PRSS23: variants seen among roughly 807,000 people sequenced by gnomAD.
PRSS23 encodes serine protease 23, also known as protease, serine 23.
A neutral mutation model predicts 34.7 loss-of-function variants in PRSS23; 25 were observed. That is an observed-to-expected ratio of 0.72 (90% CI 0.53 to 1.01). The LOEUF (loss-of-function observed/expected upper bound fraction) is 1.01. Ranked by LOEUF, PRSS23 falls within the 50% of genes least tolerant of loss-of-function variation. The pLI is 0.00. For synonymous variants in PRSS23, 176 were observed against 186.6 expected (o/e 0.94, Z 0.46); for missense variants, 445 against 475.6 (o/e 0.94, Z 0.60).
At chr11:86,925,295 A>AGT (rs5793226) in intron 2 of PRSS23, among the ~76,000 whole-genome samples, 6,905 of 148,990 alleles carry the variant, frequency 0.046, 189 homozygotes, top group South Asian at 0.14. Context: ...GTTTAACTGG[A>AGT]GTGTGTGTGT....
Position 86,810,234 on chromosome 11 carries a change from T to G in PRSS23, c.*1439T>G, listed in dbSNP as rs75406253. On this transcript the variant is annotated 3_prime_UTR_variant, in exon 2 of 2. Coordinates refer to ENST00000280258, the MANE Select transcript of PRSS23 (RefSeq NM_007173.6). ...CTTTCTAAATGTATCGGAGAAAAAA[T>G]CAAATGGACTACAAGCACGTGTTTG... is the stretch of plus-strand genomic sequence containing the variant. The G allele has an allele frequency of 0.012, 2,053 of 166,928 alleles. 55 individuals carry two copies. The highest frequency in any genetic ancestry group is 0.047 in the African/African-American group (1,940 of 41,564). 10.3% of individuals were successfully genotyped at this position (166,928 alleles called of 1,614,324 possible).
At chr11:86,901,491 G>C (rs2134984213) in intron 2 of PRSS23, among the ~76,000 whole-genome samples, 1 of 152,222 alleles carries the variant, frequency 6.6e-6, no homozygotes. Flanking sequence ...TTGAATTACA[G>C]TCAAAATGGT....
intron 1 of PRSS23, 53 bp from the exon 2 acceptor site, chr11:86,807,578 T>C: frequency 2.1e-6 from 3 of 1,455,494 alleles, no homozygotes; most frequent in Non-Finnish European, 2.8e-6. Context: ...CTGTCTGCAG[T>C]AAATGAACGT....
chr11:86,906,166 G>C (rs1014375566), intron 2 of PRSS23, among the ~76,000 whole-genome samples: 1 of 152,182 alleles, frequency 6.6e-6, no homozygotes, highest in Admixed American at 6.5e-5. Flanking sequence ...GGGGGGCGGG[G>C]GCAAGAGGAA....
intron 2 of PRSS23, among the ~76,000 whole-genome samples, chr11:86,831,814 G>A (rs1013971702): frequency 6.6e-6 from 1 of 151,882 alleles, no homozygotes; most frequent in East Asian, 1.9e-4. Flanking sequence ...GTCGCAGCGG[G>A]TATACACCCT....
intron 2 of PRSS23, among the ~76,000 whole-genome samples, chr11:86,902,660 T>G (rs184050666): frequency 3.3e-5 from 5 of 152,208 alleles, no homozygotes; most frequent in Non-Finnish European, 7.3e-5. Flanking sequence ...CTACTACCTA[T>G]GTTTTTTCTA....
chr11:86,921,626 G>A (rs1388653226), intron 2 of PRSS23: 2 of 152,146 alleles, frequency 1.3e-5, no homozygotes, highest in Non-Finnish European at 2.9e-5. Context: ...CTCTTGCCCA[G>A]TGGGAGATTT....
chr11:86,831,334 G>A (rs926997911), intron 2 of PRSS23, among the ~76,000 whole-genome samples: 11 of 151,280 alleles, frequency 7.3e-5, no homozygotes, highest in South Asian at 2.1e-4. Flanking sequence ...TGTATTATTC[G>A]TAATATCCTA....
intron 2 of PRSS23, among the ~76,000 whole-genome samples, chr11:86,830,254 T>A (rs1283889367): frequency 6.6e-6 from 1 of 152,166 alleles, no homozygotes; most frequent in Non-Finnish European, 1.5e-5. Flanking sequence ...ACTGCTGTGC[T>A]AGCAATCAGC....
At chr11:86,817,627 A>G (rs1304592477) in intron 1 of PRSS23, among the ~76,000 whole-genome samples, 3 of 152,200 alleles carry the variant, frequency 2.0e-5, no homozygotes, top group African/African-American at 7.2e-5. Flanking sequence ...GACTTTTTAT[A>G]GCCAGTGAAA....
intron 2 of PRSS23, chr11:86,833,290 G>T (rs569727398): frequency 4.5e-6 from 7 of 1,545,540 alleles, no homozygotes; most frequent in South Asian, 1.1e-5. Flanking sequence ...GTACATGGGG[G>T]TGTGGAGGTG....
chr11:86,851,682 C>G (rs1948530880), intron 2 of PRSS23, among the ~76,000 whole-genome samples: 2 of 152,204 alleles, frequency 1.3e-5, no homozygotes, highest in Non-Finnish European at 2.9e-5. Flanking sequence ...GCACTAATAA[C>G]TGGGAGAAGA....
chr11:86,831,089 C>A (rs1232600558), intron 2 of PRSS23, among the ~76,000 whole-genome samples: 1 of 151,948 alleles, frequency 6.6e-6, no homozygotes, highest in Admixed American at 6.5e-5. Flanking sequence ...TTCGTAATAT[C>A]CTAGGCGGAT....
At chr11:86,812,384 T>C (rs1281823027), downstream of PRSS23, among the ~76,000 whole-genome samples, 1 of 152,180 alleles carries the variant, frequency 6.6e-6, no homozygotes, top group Non-Finnish European at 1.5e-5. Context: ...GGTGGGGTCA[T>C]CGTACATACA....
chr11:86,801,940 A>G (rs150345008), intron 1 of PRSS23, among the ~76,000 whole-genome samples: 1 of 152,342 alleles, frequency 6.6e-6, no homozygotes, highest in African/African-American at 2.4e-5. Flanking sequence ...CTGGGAAGGA[A>G]GCCTTTTTCC....
At chr11:86,827,515 T>A (rs1039263897) in intron 2 of PRSS23, among the ~76,000 whole-genome samples, 1 of 152,244 alleles carries the variant, frequency 6.6e-6, no homozygotes, top group African/African-American at 2.4e-5. Flanking sequence ...CTGATTTTAG[T>A]TATTTCTTGC....
chr11:86,814,588 A>G (rs1948202457), downstream of PRSS23, among the ~76,000 whole-genome samples: 1 of 152,206 alleles, frequency 6.6e-6, no homozygotes, highest in Non-Finnish European at 1.5e-5. Context: ...GCAGGAGACC[A>G]GAGAGGAGTC....
rs775013148 is a variant in PRSS23 at position 86,808,401 on chromosome 11, A to G, written c.758A>G (p.Lys253Arg). Residue 253 changes from lysine to arginine, a missense_variant, in exon 2 of 2, where the codon AAA becomes AGA. Coordinates refer to ENST00000280258, the MANE Select transcript of PRSS23 (RefSeq NM_007173.6). ...MDYDYALLEL[K>R]KPHKRKFMKI... ...TATGATTATGCCCTCCTGGAACTCA[A>G]AAAGCCCCACAAGAGAAAATTTATG... The G allele has an allele frequency of 2.5e-6, 4 of 1,614,104 alleles. No individual in the cohort carries two copies. Among genetic ancestry groups the G allele is most frequent in the African/African-American group, 1.3e-5 (1 of 74,940 alleles).
chr11:86,867,145 A>G (rs1243259538), intron 2 of PRSS23, among the ~76,000 whole-genome samples: 1 of 152,204 alleles, frequency 6.6e-6, no homozygotes, highest in Non-Finnish European at 1.5e-5. Context: ...CACATATACT[A>G]GTGAGTTTCT....
Sources: gnomAD v4.1 joint callset for allele counts (sites outside exome capture counted in the v4.1 genomes callset) on GRCh38, gnomAD v4.1.1 for gene constraint, MANE v1.5 for transcripts, NCBI Gene and HGNC (gene_info 2026-07-23, HGNC 2026-07-21) for gene names.